SCARB1: variants seen among roughly 807,000 people sequenced by gnomAD.
The protein encoded by SCARB1 is scavenger receptor class B member 1.
A neutral mutation model predicts 57.2 loss-of-function variants in SCARB1; 30 were observed. The observed-to-expected ratio is 0.52, with a 90% confidence interval of 0.39 to 0.71. The LOEUF (loss-of-function observed/expected upper bound fraction) is 0.71, where lower values mean the gene tolerates loss of function less well. Ranked by LOEUF, SCARB1 falls within the 30% of genes least tolerant of loss-of-function variation. The pLI, the probability that SCARB1 is intolerant of heterozygous loss-of-function variation, is 0.00. For missense variants in SCARB1, 543 were observed against 671.2 expected, an observed-to-expected ratio of 0.81 and a Z score of 2.11; for synonymous variants, 249 against 268.3, an observed-to-expected ratio of 0.93 and a Z score of 0.70.
intron 1 of SCARB1, among the ~76,000 whole-genome samples, chr12:124,847,522 C>T (rs1952214637): frequency 6.6e-6 from 1 of 152,228 alleles, no homozygotes; most frequent in Admixed American, 6.5e-5. Context: ...CCGTTTCCAC[C>T]CGACCAGCCC....
At chr12:124,845,868 C>T (rs963924573) in intron 1 of SCARB1, among the ~76,000 whole-genome samples, 3 of 150,944 alleles carry the variant, frequency 2.0e-5, no homozygotes, top group Non-Finnish European at 4.4e-5. Flanking sequence ...AAAAATTAGC[C>T]GGGTGTGGTG....
At chr12:124,815,266 C>CA (rs1566187866) in intron 2 of SCARB1, 152 bp from the exon 3 acceptor site, 1 of 876,440 alleles carries the variant, frequency 1.1e-6, no homozygotes, top group Admixed American at 2.0e-5. Context: ...GCCCCTTCGC[C>CA]AAGTCTGTCC....
intron 11 of SCARB1, chr12:124,785,817 A>T (rs1295387363): frequency 4.2e-6 from 2 of 478,306 alleles, no homozygotes; most frequent in Non-Finnish European, 7.4e-6. Context: ...TTAAGTGGCT[A>T]TTAGAAAATT....
chr12:124,807,094 G>A lies in SCARB1; in HGVS notation c.1009+667C>T, dbSNP rs76772209. Among the ~76,000 whole-genome samples, 1,475 of 152,090 alleles carry A rather than the reference G, an allele frequency of 9.7e-3. 18 individuals are homozygous for A. The highest frequency in any genetic ancestry group is 0.049 in the South Asian group (236 of 4,810). On this transcript the variant is annotated intron_variant, in intron 7 of 12. Coordinates refer to ENST00000261693, the MANE Select transcript of SCARB1 (RefSeq NM_005505.5). The surrounding 1 kb of genome is among the most constrained non-coding windows in gnomAD (Gnocchi z 5.3). The stretch of plus-strand genomic sequence containing the variant: ...TGCACGCCTGTGGTCCCAACTACTC[G>A]GGAGGCTGAGGTGGGAGGATCACTT...
rs577239209 is a variant in SCARB1, at chr12:124,828,434, C to T, written c.127-10727G>A. On this transcript the variant is annotated intron_variant, in intron 1 of 12. Coordinates refer to ENST00000261693, the MANE Select transcript of SCARB1 (RefSeq NM_005505.5). The stretch of plus-strand genomic sequence containing the variant: ...CATCCGCCCCATGCTAGATGCTATG[C>T]TAGGAATTTAAAGACACAGGGATGA... 4.6e-5 allele frequency among the ~76,000 whole-genome samples: 7 copies of T among 152,252 alleles called. No homozygotes were observed. The East Asian group carries it at 1.4e-3, about 29-fold the overall frequency.
In SCARB1 at chr12:124,812,457, G is replaced by A. The variant is rs1273634410; in HGVS notation, c.631-492C>T. Among the ~76,000 whole-genome samples the A allele has an allele frequency of 3.9e-5, 6 of 152,198 alleles. No individual in the cohort carries two copies. Among genetic ancestry groups the A allele is most frequent in the South Asian group, 2.1e-4 (1 of 4,830 alleles). ...CCCCAAGTGACCACCACAAGCGCGGGTGCCCCAGTCACCCACACTGGACGT... is the reference window on the plus strand; with the variant it reads ...CCCCAAGTGACCACCACAAGCGCGGATGCCCCAGTCACCCACACTGGACGT... On this transcript the variant is annotated intron_variant, in intron 4 of 12. Transcript: ENST00000261693. The surrounding 1 kb of genome is among the most constrained non-coding windows in gnomAD (Gnocchi z 4.3).
At chr12:124,861,234 A>G (rs983752103) in intron 1 of SCARB1, among the ~76,000 whole-genome samples, 2 of 152,210 alleles carry the variant, frequency 1.3e-5, no homozygotes, top group Non-Finnish European at 2.9e-5. Context: ...CATATCACCT[A>G]TGCGCATCCT....
At chr12:124,794,397 A>ATTTT (rs1242276585) in intron 9 of SCARB1, among the ~76,000 whole-genome samples, 3 of 113,966 alleles carry the variant, frequency 2.6e-5, no homozygotes, top group Admixed American at 2.0e-4. Context: ...TGCTTGAAAA[A>ATTTT]TTCTTTTTTT....
intron 1 of SCARB1, among the ~76,000 whole-genome samples, chr12:124,837,052 C>T (rs1951675302): frequency 6.6e-6 from 1 of 152,150 alleles, no homozygotes; most frequent in Admixed American, 6.5e-5. Flanking sequence ...GGTCCCCGGG[C>T]ACAGAGATGA....
At chr12:124,788,789 TACGCTCTTCAGAA>T (rs1292549240) in intron 9 of SCARB1, among the ~76,000 whole-genome samples, 3 of 152,170 alleles carry the variant, frequency 2.0e-5, no homozygotes, top group African/African-American at 7.2e-5. Context: ...ACCCAGCAAT[TACGCTCTTCAGAA>T]ACTGCCCTAG....
At chr12:124,844,179 A>T (rs1952036906) in intron 1 of SCARB1, among the ~76,000 whole-genome samples, 1 of 151,152 alleles carries the variant, frequency 6.6e-6, no homozygotes, top group East Asian at 1.9e-4. Context: ...AACATGAATT[A>T]GGGGGTCCAG....
At chr12:124,850,115 A>G (rs1200828998) in intron 1 of SCARB1, among the ~76,000 whole-genome samples, 1 of 73,434 alleles carries the variant, frequency 1.4e-5, no homozygotes, top group Non-Finnish European at 3.2e-5. Flanking sequence ...GCATATGCTT[A>G]TAATCCCAGC....
chr12:124,844,653 C>G (rs777051697), intron 1 of SCARB1, among the ~76,000 whole-genome samples: 4 of 152,002 alleles, frequency 2.6e-5, no homozygotes, highest in African/African-American at 7.3e-5. Flanking sequence ...CGGGGATGTG[C>G]GCACACAGGG....
At chr12:124,787,266 A>G in intron 10 of SCARB1, 140 bp downstream of exon 10, 1 of 722,486 alleles carries the variant, frequency 1.4e-6, no homozygotes, top group Non-Finnish European at 2.4e-6. Context: ...GAAGTTTCTG[A>G]TACGCTGGTC....
intron 1 of SCARB1, among the ~76,000 whole-genome samples, chr12:124,829,269 C>T (rs925997504): frequency 6.6e-5 from 10 of 152,154 alleles, no homozygotes; most frequent in African/African-American, 2.4e-4. Flanking sequence ...ATCCACTTCT[C>T]TCCAACACCA....
At chr12:124,791,829 A>G (rs1949742179) in intron 9 of SCARB1, among the ~76,000 whole-genome samples, 1 of 151,912 alleles carries the variant, frequency 6.6e-6, no homozygotes, top group Non-Finnish European at 1.5e-5. Flanking sequence ...GGTGGCGGGC[A>G]CCTGTAATCC....
chr12:124,838,193 A>C (rs1951768704), intron 1 of SCARB1, among the ~76,000 whole-genome samples: 1 of 152,222 alleles, frequency 6.6e-6, no homozygotes, highest in Non-Finnish European at 1.5e-5. Context: ...AAATTCAGGA[A>C]GGGCCATCCC....
chr12:124,778,916 C>T (rs2135510490), intron 12 of SCARB1, among the ~76,000 whole-genome samples: 1 of 152,322 alleles, frequency 6.6e-6, no homozygotes, highest in Middle Eastern at 3.4e-3. Flanking sequence ...GGGGCAAGCT[C>T]TGTCCCTCAG....
chr12:124,842,791 C>T (rs1951955623), intron 1 of SCARB1, among the ~76,000 whole-genome samples: 1 of 152,194 alleles, frequency 6.6e-6, no homozygotes, highest in Non-Finnish European at 1.5e-5. Context: ...CTGTCCTTTA[C>T]AAGGTCCTAT....
Sources: allele counts gnomAD v4.1 joint callset (sites outside exome capture counted in the v4.1 genomes callset), GRCh38; gene constraint gnomAD v4.1.1; non-coding constraint Gnocchi (gnomAD v3.1); transcripts MANE v1.5; gene names NCBI Gene and HGNC (gene_info 2026-07-23, HGNC 2026-07-21).